The following NNT variants were observed in gnomAD, a reference collection of about 807,000 sequenced individuals.
The protein encoded by NNT is nicotinamide nucleotide transhydrogenase.
In NNT, 50 loss-of-function variants were observed where a neutral mutation model predicts 104.8. That is an observed-to-expected ratio of 0.48 (90% CI 0.38 to 0.60). The LOEUF (loss-of-function observed/expected upper bound fraction) is 0.60, where lower values mean the gene tolerates loss of function less well. NNT is among the 20% of genes least tolerant of loss of function. The pLI, the probability that NNT is intolerant of heterozygous loss-of-function variation, is 0.00. For missense variants in NNT, 1,131 were observed against 1,330.7 expected (o/e 0.85, Z 2.33); for synonymous variants, 461 against 490.4 (o/e 0.94, Z 0.79).
intron 16 of NNT, 130 bp downstream of exon 16, chr5:43,656,943 CAT>C (rs1284065111): frequency 6.2e-6 from 5 of 806,480 alleles, no homozygotes; most frequent in East Asian, 2.7e-5. Flanking sequence ...AATTACGTCA[CAT>C]GTGCATCTTT....
In NNT at chr5:43,653,100, C is replaced by A. The variant is rs758501939; in HGVS notation, c.1946C>A (p.Ala649Glu). The change falls in exon 14 of 22, where the codon GCA (alanine) becomes GAA (glutamate). Residue 649 changes from alanine (A) to glutamate (E), a missense_variant. Ala to Glu is a moderately radical substitution (Grantham distance 107). Coordinates refer to ENST00000344920, the MANE Select transcript of NNT (RefSeq NM_182977.3). The part of the protein sequence containing the change: ...STQGTARLGN[A>E]LGMIGVAGGL... ...CAGGGAACAGCACGTCTTGGCAATG[C>A]ACTGGGCATGATTGGGGTTGCTGGA... is the stretch of plus-strand genomic sequence containing the variant. The A allele has an allele frequency of 1.9e-6, 3 of 1,613,998 alleles. No individual in the cohort carries two copies. The highest frequency in any genetic ancestry group is 2.5e-6 in the Non-Finnish European group (3 of 1,180,028).
At chr5:43,611,129 T>G (rs1393803043) in intron 2 of NNT, among the ~76,000 whole-genome samples, 1 of 144,242 alleles carries the variant, frequency 6.9e-6, no homozygotes, top group Non-Finnish European at 1.5e-5. Context: ...TCTTTACAGT[T>G]GGCTTGTTCA....
chr5:43,691,399 C>T (rs781332976), intron 19 of NNT, among the ~76,000 whole-genome samples: 37 of 152,128 alleles, frequency 2.4e-4, no homozygotes, highest in Admixed American at 5.9e-4. Flanking sequence ...CCACCATGCC[C>T]GGCCAGAGTG....
At chr5:43,656,222 T>C (rs1740036523) in intron 15 of NNT, 149 bp downstream of exon 15, 1 of 673,232 alleles carries the variant, frequency 1.5e-6, no homozygotes, top group African/African-American at 1.8e-5. Flanking sequence ...TGGGAGGCTC[T>C]CAAGCCCAGG....
At chr5:43,700,036 G>T (rs1358432550) in intron 19 of NNT, 83 bp from the exon 20 acceptor site, 3 of 1,004,272 alleles carry the variant, frequency 3.0e-6, no homozygotes, top group Non-Finnish European at 1.5e-6. Context: ...AGAACAAAGT[G>T]TGCAGATTTG....
intron 3 of NNT, 82 bp from the exon 4 acceptor site, chr5:43,615,766 A>G: frequency 2.0e-6 from 2 of 1,013,836 alleles, no homozygotes; most frequent in Non-Finnish European, 2.9e-6. Context: ...CAGTCATGGC[A>G]TATTATCTAA....
At chr5:43,687,023 G>A (rs1005679412) in intron 19 of NNT, among the ~76,000 whole-genome samples, 2 of 152,074 alleles carry the variant, frequency 1.3e-5, no homozygotes, top group African/African-American at 4.8e-5. Context: ...ACTTTATTGG[G>A]CACACTGTGT....
intron 17 of NNT, among the ~76,000 whole-genome samples, chr5:43,669,567 A>G (rs1313116212): frequency 1.3e-5 from 2 of 151,976 alleles, no homozygotes; most frequent in Non-Finnish European, 2.9e-5. Flanking sequence ...GGTTCTGTTT[A>G]TATGCTAGAT....
chr5:43,616,972 C>A (rs1005957492), intron 4 of NNT, among the ~76,000 whole-genome samples: 3 of 152,102 alleles, frequency 2.0e-5, no homozygotes, highest in African/African-American at 7.2e-5. Flanking sequence ...TAAAAAGACA[C>A]TAACATGACT....
At chr5:43,619,414 A>T (rs1384565928) in intron 5 of NNT, among the ~76,000 whole-genome samples, 3 of 152,158 alleles carry the variant, frequency 2.0e-5, no homozygotes, top group Non-Finnish European at 4.4e-5. Context: ...TTAATTTTTA[A>T]AAAAAACTTT....
intron 11 of NNT, 67 bp downstream of exon 11, chr5:43,649,375 T>C: frequency 6.5e-7 from 1 of 1,540,652 alleles, no homozygotes; most frequent in Non-Finnish European, 8.9e-7. Context: ...AGGAGGACTA[T>C]CAATGCCGTT....
intron 4 of NNT, among the ~76,000 whole-genome samples, chr5:43,617,731 C>A (rs1030874192): frequency 5.9e-5 from 9 of 152,178 alleles, no homozygotes; most frequent in African/African-American, 2.2e-4. Context: ...AGAATAGCAA[C>A]TGAATCTTTT....
intron 9 of NNT, 55 bp from the exon 10 acceptor site, chr5:43,645,302 A>C: frequency 1.6e-6 from 2 of 1,232,360 alleles, no homozygotes; most frequent in Non-Finnish European, 2.1e-6. Flanking sequence ...TCCTTAAGCA[A>C]TTTTGAAATG....
intron 17 of NNT, among the ~76,000 whole-genome samples, chr5:43,668,624 G>A (rs1347440838): frequency 6.6e-6 from 1 of 152,156 alleles, no homozygotes; most frequent in African/African-American, 2.4e-5. Flanking sequence ...GCTCTGTTCT[G>A]TTCCATTGGT....
chr5:43,643,247 C>T lies in NNT; in HGVS notation c.965-945C>T, dbSNP rs181601648. Among the ~76,000 whole-genome samples, 5 of 152,286 alleles carry T rather than the reference C, an allele frequency of 3.3e-5. No homozygotes were observed. The East Asian group carries it at 9.6e-4, about 29-fold the overall frequency. On this transcript the variant is annotated intron_variant, in intron 7 of 21. Coordinates refer to ENST00000344920, the MANE Select transcript of NNT (RefSeq NM_182977.3). ...CTCTACTTCCATACTACTAACATTA[C>T]AAGTTTATTTCCGTTATCTTTTGAT...
chr5:43,659,106 G>C, intron 16 of NNT, 65 bp from the exon 17 acceptor site: 1 of 1,440,732 alleles, frequency 6.9e-7, no homozygotes. Flanking sequence ...GGAGCAAAAT[G>C]TTAAATGTCA....
At chr5:43,638,701 T>C (rs1467391363) in intron 7 of NNT, among the ~76,000 whole-genome samples, 2 of 151,686 alleles carry the variant, frequency 1.3e-5, no homozygotes, top group Non-Finnish European at 2.9e-5. Flanking sequence ...TTTGATGCCT[T>C]ACAGGTCAGG....
In NNT at chr5:43,645,215, G is replaced by C. The variant is rs543255355; in HGVS notation, c.1291-142G>C. On this transcript the variant is annotated intron_variant, in intron 9 of 21. Transcript: ENST00000344920. Reference sequence around the variant, plus strand: ...TGTATGTGACATATTTATGTAAAATGATGTTACAAATTATATGAATTTATA... The same window carrying C: ...TGTATGTGACATATTTATGTAAAATCATGTTACAAATTATATGAATTTATA... 9.5e-6 allele frequency: 4 copies of C among 422,092 alleles called. No individual in the cohort carries two copies. The South Asian group carries it at 3.2e-4, about 34-fold the overall frequency. The allele number at this position is 422,092 out of a possible 1,614,324, so 26.1% of individuals were successfully genotyped here.
At chr5:43,611,692 A>C (rs1749507931) in intron 2 of NNT, among the ~76,000 whole-genome samples, 1 of 152,200 alleles carries the variant, frequency 6.6e-6, no homozygotes, top group Non-Finnish European at 1.5e-5. Context: ...GGTCTTACTT[A>C]ATAAGTTACT....
Sources: allele counts gnomAD v4.1 joint callset (sites outside exome capture counted in the v4.1 genomes callset), GRCh38; gene constraint gnomAD v4.1.1; transcripts MANE v1.5; gene names NCBI Gene and HGNC (gene_info 2026-07-23, HGNC 2026-07-21).